The following PDXDC1 variants were observed in gnomAD, a reference collection of about 807,000 sequenced individuals.
PDXDC1 encodes pyridoxal-dependent decarboxylase domain-containing protein 1.
A neutral mutation model predicts 100.1 loss-of-function variants in PDXDC1; 42 were observed. That is an observed-to-expected ratio of 0.42 (90% CI 0.33 to 0.54). The LOEUF is 0.54. Ranked by LOEUF, PDXDC1 falls within the 20% of genes least tolerant of loss-of-function variation. The pLI is 0.10. For synonymous variants in PDXDC1, 260 were observed against 371.7 expected (o/e 0.70, Z 3.46); for missense variants, 636 against 979.2 (o/e 0.65, Z 4.68).
chr16:15,003,604 ATACTT>A (rs1973651081), intron 4 of PDXDC1, among the ~76,000 whole-genome samples: 1 of 152,298 alleles, frequency 6.6e-6, no homozygotes, highest in Non-Finnish European at 1.5e-5. Flanking sequence ...AATTTTTAAA[ATACTT>A]TAATAGGAAA....
chr16:15,133,277 G>A, intron 16 of PDXDC1: 3 of 1,581,948 alleles, frequency 1.9e-6, no homozygotes, highest in Non-Finnish European at 2.6e-6. Context: ...GTTCAGGACG[G>A]TGACCAGGGC....
intron 16 of PDXDC1, among the ~76,000 whole-genome samples, chr16:15,101,166 G>C (rs1330813847): frequency 6.6e-6 from 1 of 152,144 alleles, no homozygotes; most frequent in East Asian, 1.9e-4. Flanking sequence ...ATATGTCACG[G>C]TGTACAGGAC....
Position 15,071,281 on chromosome 16 carries a change from T to G in PDXDC1, c.1399+41225T>G, listed in dbSNP as rs776033397. The G allele has an allele frequency of 1.9e-6, 3 of 1,571,362 alleles. No homozygotes were observed. In the East Asian group the frequency reaches 6.8e-5, roughly 36 times the overall value. On this transcript the variant is annotated intron_variant, in intron 16 of 16. Coordinates refer to the PDXDC1 transcript ENST00000535621. ...AAAAAGAGAGGGCGTCGGTGTGATC[T>G]TTTTTAATGCCTAAGATAATCTGGC...
At position 15,065,871 on chromosome 16, in the gene PDXDC1, C is replaced by T. The variant is rs1272838062; in HGVS notation, c.1399+35815C>T. Among the ~76,000 whole-genome samples the T allele has an allele frequency of 5.3e-5, 8 of 152,052 alleles. No individual in the cohort carries two copies. The South Asian group carries it at 1.0e-3, about 20-fold the overall frequency. ...ATAAGCCTTTACTGAAGGAGGGACA[C>T]GGGGTTGACTAAGTCATGACCTCAA... On this transcript the variant is annotated intron_variant, in intron 16 of 16. Coordinates refer to the PDXDC1 transcript ENST00000535621.
intron 16 of PDXDC1, among the ~76,000 whole-genome samples, chr16:15,128,709 A>G (rs976388576): frequency 4.6e-4 from 70 of 152,152 alleles, no homozygotes; most frequent in Middle Eastern, 3.4e-3. Context: ...CGCCACAACC[A>G]GTGACCCGCA....
Position 15,097,271 on chromosome 16 carries a change from T to TA in PDXDC1, c.1400-41597dup, listed in dbSNP as rs900067053. 4.9e-3 allele frequency among the ~76,000 whole-genome samples: 681 copies of TA among 138,964 alleles called. 3 individuals are homozygous for TA. Among genetic ancestry groups the TA allele is most frequent in the Middle Eastern group, 7.5e-3 (2 of 268 alleles). 91.2% of individuals were successfully genotyped at this position (138,964 alleles called of 152,430 possible). A position where few individuals can be genotyped will look rare whatever the true frequency, so the allele number is the denominator to read the frequency against. ...GGTGACAAAGCAAAATCTCATCTCT[T>TA]AAAAAAAAAAAGGGAAAAAAAGCTT... On this transcript the variant is annotated intron_variant, in intron 16 of 16. Coordinates refer to the PDXDC1 transcript ENST00000535621.
the PDXDC1 span, among the ~76,000 whole-genome samples, chr16:15,150,162 G>A: frequency 6.6e-6 from 1 of 151,794 alleles, no homozygotes; most frequent in African/African-American, 2.4e-5. Context: ...GGCTAACACG[G>A]TGAAACCCCG....
chr16:15,131,995 ATAAGGGAGGGGAAGGGGGATAAGGGGAT>A lies in PDXDC1; in HGVS notation c.1400-6883_1400-6856del, dbSNP rs1418092961. On this transcript the variant is annotated intron_variant, in intron 16 of 16. Transcript: ENST00000535621. ...AGGGGAGAAGAGGAGGAGCAGGGGGATAAGGGAGGGGAAGGGGGATAAGGGGATAAGGGAGGGGAAGGAGGATAAGGGG... is the reference window on the plus strand; with the variant it reads ...AGGGGAGAAGAGGAGGAGCAGGGGGAAAGGGAGGGGAAGGAGGATAAGGGG... 2.6e-3 allele frequency among the ~76,000 whole-genome samples: 7 copies of A among 2,724 alleles called. No homozygotes were observed. In the South Asian group the frequency reaches 0.031, roughly 12 times the overall value. 1.8% of individuals were successfully genotyped at this position (2,724 alleles called of 152,430 possible).
chr16:15,123,521 A>G, intron 16 of PDXDC1: 2 of 621,418 alleles, frequency 3.2e-6, no homozygotes, highest in East Asian at 5.6e-5. Flanking sequence ...GAAGGTCCCG[A>G]TAGTAAACCA....
intron 16 of PDXDC1, among the ~76,000 whole-genome samples, chr16:15,087,685 C>CGGTA (rs1183070877): frequency 6.6e-6 from 1 of 152,164 alleles, no homozygotes; most frequent in African/African-American, 2.4e-5. Context: ...ATAACATTAA[C>CGGTA]GGTAGCTCAC....
intron 8 of PDXDC1, among the ~76,000 whole-genome samples, chr16:15,011,014 A>G (rs150869905): frequency 5.1e-4 from 77 of 152,402 alleles, no homozygotes; most frequent in African/African-American, 1.6e-3. Context: ...ACTAATCTGT[A>G]GATTCAACTT....
downstream of PDXDC1, chr16:15,040,998 G>C (rs2043790419): frequency 9.4e-6 from 10 of 1,064,904 alleles, no homozygotes; most frequent in Admixed American, 5.1e-5. Context: ...GGGGTCATTG[G>C]TTTGCTGAAT....
intron 16 of PDXDC1, 133 bp from the exon 17 acceptor site, chr16:15,031,599 TTTG>T: frequency 1.5e-6 from 1 of 669,686 alleles, no homozygotes. Context: ...AGGGCCTTTT[TTTG>T]TTTAAATCTC....
At chr16:15,075,064 A>G (rs1435153650) in intron 16 of PDXDC1, among the ~76,000 whole-genome samples, 2 of 151,990 alleles carry the variant, frequency 1.3e-5, no homozygotes, top group Non-Finnish European at 2.9e-5. Context: ...AGCCTGGCCA[A>G]CATGGTAAAA....
intron 16 of PDXDC1, among the ~76,000 whole-genome samples, chr16:15,065,020 G>C (rs2044901198): frequency 6.6e-6 from 1 of 152,088 alleles, no homozygotes; most frequent in South Asian, 2.1e-4. Context: ...CAAAAAATTA[G>C]CCAGGCGTGG....
At chr16:15,123,851 C>G (rs2047559069) in intron 16 of PDXDC1, among the ~76,000 whole-genome samples, 1 of 135,740 alleles carries the variant, frequency 7.4e-6, no homozygotes, top group Non-Finnish European at 1.6e-5. Context: ...GAGATCATAA[C>G]ATGGCAATAA....
rs1442757109 is a variant in PDXDC1, at chr16:15,034,325, C to T, written c.1852C>T (p.Gln618Ter). 3 of 1,613,446 alleles carry T rather than the reference C, an allele frequency of 1.9e-6. No homozygotes were observed. The highest frequency in any genetic ancestry group is 1.7e-5 in the Admixed American group (1 of 60,020). Reference protein sequence around the residue: ...NMTEVVRKGIQEAQVELQKAS... With the variant: ...NMTEVVRKGI Reference sequence around the variant, plus strand: ...GACAGAAGTGGTTCGGAAAGGCATTCAGGAAGCTCAAGTGGAGCTGCAGAA... The same window carrying T: ...GACAGAAGTGGTTCGGAAAGGCATTTAGGAAGCTCAAGTGGAGCTGCAGAA... Residue 618 changes from glutamine (Q) to a stop codon, truncating the protein, a stop_gained, in exon 20 of 23, where the codon CAG (glutamine) becomes TAG (stop). Coordinates refer to ENST00000396410, the MANE Select transcript of PDXDC1 (RefSeq NM_015027.4). LOFTEE classifies it high-confidence loss of function.
intron 16 of PDXDC1, chr16:15,085,736 G>C: frequency 6.2e-7 from 1 of 1,611,128 alleles, no homozygotes; most frequent in Non-Finnish European, 8.5e-7. Flanking sequence ...TTCTGTCATT[G>C]ATCTAGACAA....
chr16:15,085,543 C>T lies in PDXDC1; in HGVS notation c.1400-53336C>T. Reference sequence around the variant, plus strand: ...ATGTTGCCCAGGCTGGTCTCAAACTCTTGGCCTCAAGTGATCCTCCCGTCT... The same window carrying T: ...ATGTTGCCCAGGCTGGTCTCAAACTTTTGGCCTCAAGTGATCCTCCCGTCT... On this transcript the variant is annotated intron_variant, in intron 16 of 16. Coordinates refer to the PDXDC1 transcript ENST00000535621. The T allele has an allele frequency of 2.6e-6, 4 of 1,553,770 alleles. No homozygotes were observed. In the South Asian group the frequency reaches 3.5e-5, roughly 14 times the overall value.
Sources: allele counts gnomAD v4.1 joint callset (sites outside exome capture counted in the v4.1 genomes callset), GRCh38; gene constraint gnomAD v4.1.1; transcripts MANE v1.5; gene names NCBI Gene and HGNC (gene_info 2026-07-23, HGNC 2026-07-21).